The following LINGO1 variants were observed in gnomAD, a reference collection of about 807,000 sequenced individuals.
LINGO1 encodes the protein leucine-rich repeat and immunoglobulin-like domain-containing nogo receptor-interacting protein 1.
LINGO1 carries 11 observed loss-of-function variants against 37.3 expected under a neutral mutation model. The observed-to-expected ratio is 0.29, with a 90% CI of 0.19 to 0.49. The LOEUF (loss-of-function observed/expected upper bound fraction) is 0.49. Among genes scored for constraint, LINGO1 ranks in the 20% least tolerant of loss-of-function variants. The pLI, the probability that LINGO1 is intolerant of heterozygous loss-of-function variation, is 0.99. For missense variants in LINGO1, 585 were observed against 878.2 expected (o/e 0.67, Z 4.22); for synonymous variants, 387 against 403.0 (o/e 0.96, Z 0.48).
chr15:77,649,214 C>A (rs565500052), intron 3 of LINGO1: 23 of 152,324 alleles, frequency 1.5e-4, no homozygotes, highest in African/African-American at 5.5e-4. Flanking sequence ...CACACACGGT[C>A]ATATAAATGG....
chr15:77,721,831 T>C (rs567688854), intron 2 of LINGO1, among the ~76,000 whole-genome samples: 3 of 152,106 alleles, frequency 2.0e-5, no homozygotes, highest in Non-Finnish European at 2.9e-5. Flanking sequence ...AGCTTCTCCA[T>C]CTGAAATGGG....
chr15:77,637,751 C>G (rs941386791), upstream of LINGO1, among the ~76,000 whole-genome samples: 1 of 152,212 alleles, frequency 6.6e-6, no homozygotes, highest in Non-Finnish European at 1.5e-5. This position sits in a 1 kb window ranked among gnomAD's most constrained non-coding sequence, Gnocchi z 4.6. Flanking sequence ...ACACCTGGAC[C>G]ACATTCTCTG....
chr15:77,812,675 CGCCAACAATG>C (rs71882747), intron 1 of LINGO1, among the ~76,000 whole-genome samples: 28,434 of 152,134 alleles, frequency 0.19, 3,340 homozygotes, highest in East Asian at 0.47. Flanking sequence ...AGCTGACCCT[CGCCAACAATG>C]GCCAGGCTCA....
chr15:77,759,099 G>A (rs1402515914), intron 1 of LINGO1, among the ~76,000 whole-genome samples: 1 of 152,206 alleles, frequency 6.6e-6, no homozygotes, highest in African/African-American at 2.4e-5. Context: ...AGCAGGGCTG[G>A]CAAGTAAGTA....
chr15:77,748,495 T>C (rs1422102092), intron 1 of LINGO1, among the ~76,000 whole-genome samples: 1 of 152,176 alleles, frequency 6.6e-6, no homozygotes, highest in Admixed American at 6.5e-5. Context: ...AGGTAGCCTC[T>C]GGGCGTGGCC....
rs555094624 is a variant in LINGO1, at chr15:77,750,143, G to A, written c.-256-15090C>T. Among the ~76,000 whole-genome samples the A allele has an allele frequency of 9.2e-5, 14 of 152,052 alleles. No individual in the cohort carries two copies. In the East Asian group the frequency reaches 2.5e-3, roughly 27 times the overall value. ...AGGGGCCACGTCCCCGATGCCCCCC[G>A]AGACAGCCTTGCCAATGGCCCCTTC... On this transcript the variant is annotated intron_variant, in intron 1 of 3. Transcript: ENST00000561686.
intron 1 of LINGO1, among the ~76,000 whole-genome samples, chr15:77,805,457 G>A (rs1171291937): frequency 6.6e-6 from 1 of 152,214 alleles, no homozygotes; most frequent in African/African-American, 2.4e-5. Context: ...TGCTTTGTGG[G>A]AGGCCTGCCC....
At chr15:77,638,390 T>C (rs946897862), upstream of LINGO1, among the ~76,000 whole-genome samples, 7 of 152,176 alleles carry the variant, frequency 4.6e-5, no homozygotes, top group Admixed American at 2.6e-4. Context: ...TTAAAAAAAA[T>C]TAGATTAGGA....
intron 2 of LINGO1, among the ~76,000 whole-genome samples, chr15:77,686,002 C>T (rs74433800): frequency 0.012 from 1,777 of 152,280 alleles, 40 homozygotes; most frequent in African/African-American, 0.04. Context: ...GGGCGGCTGT[C>T]TAGGTGGCTT....
At chr15:77,633,186 G>T (rs2074320123), upstream of LINGO1, among the ~76,000 whole-genome samples, 1 of 152,138 alleles carries the variant, frequency 6.6e-6, no homozygotes, top group African/African-American at 2.4e-5. Context: ...GCCCCTCCGG[G>T]TCCGGGGCTC....
chr15:77,761,882 G>C (rs2076480855), intron 1 of LINGO1, among the ~76,000 whole-genome samples: 1 of 152,208 alleles, frequency 6.6e-6, no homozygotes, highest in Admixed American at 6.5e-5. Context: ...CTGGCATATA[G>C]CCTCTTTGAG....
At chr15:77,757,576 C>G (rs2076432576) in intron 1 of LINGO1, among the ~76,000 whole-genome samples, 1 of 152,224 alleles carries the variant, frequency 6.6e-6, no homozygotes. Flanking sequence ...ACGTAGATGT[C>G]ATGGTCTCAT....
chr15:77,776,954 T>G (rs2076662213), intron 1 of LINGO1, among the ~76,000 whole-genome samples: 1 of 152,208 alleles, frequency 6.6e-6, no homozygotes, highest in South Asian at 2.1e-4. Flanking sequence ...TCAGGCAGGC[T>G]AGACCCAGAG....
At chr15:77,631,810 G>C (rs527389538) in intron 1 of LINGO1, among the ~76,000 whole-genome samples, 164 of 152,340 alleles carry the variant, frequency 1.1e-3, no homozygotes, top group Non-Finnish European at 1.1e-3. Flanking sequence ...GGAAAGGGGC[G>C]ATGCTTGTGT....
intron 3 of LINGO1, among the ~76,000 whole-genome samples, chr15:77,655,005 G>T (rs2074838087): frequency 6.6e-6 from 1 of 152,150 alleles, no homozygotes; most frequent in Non-Finnish European, 1.5e-5. Context: ...CCCTAAAGGA[G>T]GCTTGCCCGT....
At chr15:77,656,996 C>A (rs376986341) in intron 3 of LINGO1, among the ~76,000 whole-genome samples, 2 of 152,202 alleles carry the variant, frequency 1.3e-5, no homozygotes, top group African/African-American at 4.8e-5. Context: ...CAGGACACTG[C>A]CCCTTCATGC....
chr15:77,700,745 G>T (rs1221164593), upstream of LINGO1, among the ~76,000 whole-genome samples: 1 of 152,190 alleles, frequency 6.6e-6, no homozygotes, highest in Non-Finnish European at 1.5e-5. Context: ...GTAGGGGAGG[G>T]AATCTTCCAG....
upstream of LINGO1, among the ~76,000 whole-genome samples, chr15:77,699,778 C>A (rs2075759210): frequency 8.1e-6 from 1 of 123,958 alleles, no homozygotes; most frequent in Non-Finnish European, 1.7e-5. Flanking sequence ...CCATCATTCC[C>A]CCCCTCTACC....
chr15:77,818,314 T>A (rs977142665), intron 1 of LINGO1, among the ~76,000 whole-genome samples: 4 of 152,220 alleles, frequency 2.6e-5, no homozygotes, highest in African/African-American at 9.6e-5. Context: ...CAGCTTTCCA[T>A]CCCATCTTCC....
Sources: allele counts gnomAD v4.1 joint callset (sites outside exome capture counted in the v4.1 genomes callset), GRCh38; gene constraint gnomAD v4.1.1; non-coding constraint Gnocchi (gnomAD v3.1); transcripts MANE v1.5; gene names NCBI Gene and HGNC (gene_info 2026-07-23, HGNC 2026-07-21).